Variants in GOLM2 observed in about 807,000 individuals in gnomAD.
GOLM2 encodes the protein golgi membrane protein 2, also known as protein GOLM2.
Under a neutral mutation model 55.9 loss-of-function variants are expected in GOLM2, and 26 were observed. That is an observed-to-expected ratio of 0.47 (90% CI 0.34 to 0.65). The LOEUF (loss-of-function observed/expected upper bound fraction) is 0.65. GOLM2 is among the 30% of genes least tolerant of loss of function. The probability of loss-of-function intolerance (pLI) is 0.01; values close to 1 mark genes in which losing one functional copy is unlikely to be tolerated. For missense variants in GOLM2, 486 were observed against 531.8 expected (o/e 0.91, Z 0.85); for synonymous variants, 165 against 194.6 (o/e 0.85, Z 1.27).
chr15:44,300,953 T>C (rs1460457211), intron 1 of GOLM2, among the ~76,000 whole-genome samples: 2 of 152,232 alleles, frequency 1.3e-5, no homozygotes, highest in Non-Finnish European at 2.9e-5. Context: ...CTCAGATGCT[T>C]TTAATGTCTG....
Position 44,288,956 on chromosome 15 carries a change from C to A in GOLM2, c.-74C>A. On this transcript the variant is annotated 5_prime_UTR_variant, in exon 1 of 10. Coordinates refer to ENST00000299957, the MANE Select transcript of GOLM2 (RefSeq NM_138423.4). ...CCCTGGGGCCGTGTCCGCCGGGCAA[C>A]TCCAGCCGAGGCCTGGGCTTCTGCC... 7.0e-7 allele frequency: 1 copy of A among 1,418,854 alleles called. No individual in the cohort carries two copies. The highest frequency in any genetic ancestry group is 9.6e-7 in the Non-Finnish European group (1 of 1,044,568). 87.9% of individuals were successfully genotyped at this position (1,418,854 alleles called of 1,614,324 possible).
chr15:44,385,576 T>C (rs1231569973), intron 8 of GOLM2, among the ~76,000 whole-genome samples: 1 of 152,112 alleles, frequency 6.6e-6, no homozygotes, highest in Non-Finnish European at 1.5e-5. Context: ...AGACAGAATC[T>C]AGCTTTGTCA....
intron 1 of GOLM2, among the ~76,000 whole-genome samples, chr15:44,300,395 T>G (rs2078789770): frequency 6.6e-6 from 1 of 152,190 alleles, no homozygotes; most frequent in Admixed American, 6.5e-5. Flanking sequence ...TGAAACAAGT[T>G]TTCACTTTTC....
At chr15:44,368,240 C>T (rs934292631) in intron 6 of GOLM2, among the ~76,000 whole-genome samples, 5 of 151,444 alleles carry the variant, frequency 3.3e-5, no homozygotes, top group African/African-American at 4.8e-5. Context: ...CGGGTTCAGT[C>T]GATCCTCCCA....
chr15:44,364,297 G>A (rs1032473306), intron 6 of GOLM2, among the ~76,000 whole-genome samples: 1 of 152,102 alleles, frequency 6.6e-6, no homozygotes, highest in African/African-American at 2.4e-5. Flanking sequence ...GCTGAGGCAG[G>A]TGGATTGCTT....
rs144759623 is a variant in GOLM2 at position 44,300,378 on chromosome 15, T to G, written c.327+11022T>G. 7.9e-4 allele frequency among the ~76,000 whole-genome samples: 121 copies of G among 152,338 alleles called. 1 individual carries two copies. In the East Asian group the frequency reaches 0.021, roughly 27 times the overall value. On this transcript the variant is annotated intron_variant, in intron 1 of 9. Transcript: ENST00000299957. ...GCACTTACTGTGCTATACACTAAAA[T>G]GATCTTTGAAACAAGTTTTCACTTT...
chr15:44,379,638 T>TTTG, intron 6 of GOLM2, 52 bp from the exon 7 acceptor site: 5 of 710,022 alleles, frequency 7.0e-6, no homozygotes, highest in South Asian at 1.9e-5. Flanking sequence ...TTTTTTTTTT[T>TTTG]AGAAATCATA....
intron 8 of GOLM2, among the ~76,000 whole-genome samples, chr15:44,388,918 C>G (rs1260673623): frequency 2.0e-5 from 3 of 152,030 alleles, no homozygotes; most frequent in African/African-American, 7.2e-5. Context: ...CGGGTTCACG[C>G]CATTCTCCTG....
chr15:44,290,774 T>C lies in GOLM2; in HGVS notation c.327+1418T>C, dbSNP rs144362502. Reference sequence around the variant, plus strand: ...ACTCTTGATTCCATTCTTTCATCCATTGGACTTTTTGTTGTTGTCGTTGTT... The same window carrying C: ...ACTCTTGATTCCATTCTTTCATCCACTGGACTTTTTGTTGTTGTCGTTGTT... On this transcript the variant is annotated intron_variant, in intron 1 of 9. Transcript: ENST00000299957. Among the ~76,000 whole-genome samples, 44 of 152,334 alleles carry C rather than the reference T, an allele frequency of 2.9e-4. No homozygotes were observed. In the East Asian group the frequency reaches 8.5e-3, roughly 29 times the overall value.
At chr15:44,351,576 C>CA (rs1175016633) in intron 6 of GOLM2, among the ~76,000 whole-genome samples, 10,931 of 45,646 alleles carry the variant, frequency 0.24, 1,298 homozygotes, top group Middle Eastern at 0.36. Flanking sequence ...GACTCTGTCT[C>CA]AAAAAAAAAA....
chr15:44,334,717 C>T (rs989671271), intron 4 of GOLM2, among the ~76,000 whole-genome samples: 11 of 152,294 alleles, frequency 7.2e-5, no homozygotes, highest in African/African-American at 2.4e-4. Context: ...CCAGAGAAGA[C>T]TAAGGAGACT....
chr15:44,319,867 G>A (rs1328698216), intron 1 of GOLM2, among the ~76,000 whole-genome samples: 1 of 152,160 alleles, frequency 6.6e-6, no homozygotes, highest in Non-Finnish European at 1.5e-5. Flanking sequence ...GGGATTACAG[G>A]CGTGAGCCAC....
At chr15:44,330,859 T>C (rs1422864018) in intron 3 of GOLM2, among the ~76,000 whole-genome samples, 1 of 152,228 alleles carries the variant, frequency 6.6e-6, no homozygotes, top group Admixed American at 6.5e-5. Flanking sequence ...GAAAGGTTGC[T>C]TTCTAAAATG....
intron 6 of GOLM2, among the ~76,000 whole-genome samples, chr15:44,368,830 A>C (rs1162728902): frequency 1.3e-5 from 2 of 149,808 alleles, no homozygotes; most frequent in Admixed American, 1.3e-4. Flanking sequence ...GTTTCTGTTG[A>C]TTCCTTTTTT....
intron 1 of GOLM2, among the ~76,000 whole-genome samples, chr15:44,296,005 C>T (rs781762201): frequency 6.6e-6 from 1 of 151,910 alleles, no homozygotes; most frequent in Admixed American, 6.6e-5. Context: ...TTCCTCAGTA[C>T]AGGGCATGTC....
intron 1 of GOLM2, among the ~76,000 whole-genome samples, chr15:44,320,803 T>C (rs1173905203): frequency 6.6e-6 from 1 of 152,222 alleles, no homozygotes; most frequent in East Asian, 1.9e-4. Flanking sequence ...TGAAAGATAC[T>C]CCATGGTCTT....
chr15:44,365,383 T>C (rs2141177711), intron 6 of GOLM2, among the ~76,000 whole-genome samples: 1 of 151,900 alleles, frequency 6.6e-6, no homozygotes, highest in South Asian at 2.1e-4. Flanking sequence ...AAAAATTAGC[T>C]GGGTGTGGTG....
At chr15:44,361,409 T>A (rs2079237826) in intron 6 of GOLM2, among the ~76,000 whole-genome samples, 1 of 151,718 alleles carries the variant, frequency 6.6e-6, no homozygotes, top group East Asian at 1.9e-4. Flanking sequence ...CAGAGAATAC[T>A]ACAAACACCT....
intron 9 of GOLM2, among the ~76,000 whole-genome samples, chr15:44,411,558 T>A (rs2079638493): frequency 6.6e-6 from 1 of 152,112 alleles, no homozygotes; most frequent in Admixed American, 6.6e-5. Context: ...CCATGTACTC[T>A]ACGCCAGGCG....
Sources: gnomAD v4.1 joint callset for allele counts (sites outside exome capture counted in the v4.1 genomes callset) on GRCh38, gnomAD v4.1.1 for gene constraint, MANE v1.5 for transcripts, NCBI Gene and HGNC (gene_info 2026-07-23, HGNC 2026-07-21) for gene names.